Variants in MRC2 observed in about 807,000 individuals in gnomAD.
MRC2 encodes the protein mannose receptor C-type 2, also known as C-type mannose receptor 2.
MRC2 carries 84 observed loss-of-function variants against 206.2 expected under a neutral mutation model. That is an observed-to-expected ratio of 0.41 (90% CI 0.34 to 0.49). The LOEUF (loss-of-function observed/expected upper bound fraction) is 0.49, where lower values mean the gene tolerates loss of function less well. Ranked by LOEUF, MRC2 falls within the 20% of genes least tolerant of loss-of-function variation. MRC2 has a pLI of 0.31. For synonymous variants in MRC2, 798 were observed against 800.0 expected (o/e 1.00, Z 0.04); for missense variants, 1,676 against 2,001.5 (o/e 0.84, Z 3.10).
chr17:62,675,806 G>A lies in MRC2; in HGVS notation c.1586G>A (p.Ser529Asn), dbSNP rs766921750. Reference protein sequence around the residue: ...HGCRKGWTWHSPSCYWLGEDQ... With the variant: ...HGCRKGWTWHNPSCYWLGEDQ... ...TTGAGCCAGGGTTGGACGTGGCACA[G>A]CCCATCCTGCTACTGGCTGGGAGAA... The change falls in exon 10 of 30, where the codon AGC becomes AAC. Residue 529 changes from serine to asparagine, a missense_variant. Ser to Asn is a conservative substitution (Grantham distance 46). Around this residue, in one of 3 missense-constraint regions of MRC2, gnomAD observed 1,354 missense variants for 1,636.6 expected, o/e 0.83. Coordinates refer to ENST00000303375, the MANE Select transcript of MRC2 (RefSeq NM_006039.5). This position sits in a 1 kb window ranked among gnomAD's most constrained non-coding sequence, Gnocchi z 4.1. 1.9e-6 allele frequency: 3 copies of A among 1,614,086 alleles called. No homozygotes were observed. Among genetic ancestry groups the A allele is most frequent in the Non-Finnish European group, 2.5e-6 (3 of 1,179,936 alleles).
In MRC2 at chr17:62,667,371, C is replaced by T. The variant is rs112098746; in HGVS notation, c.974-19C>T. ...GAGCTTCTCTCTCCGGGGGTGCTGG[C>T]GCCCTGCCCTCCCCACAGACCAGCC... On this transcript the variant is annotated intron_variant, in intron 5 of 29. Coordinates refer to ENST00000303375, the MANE Select transcript of MRC2 (RefSeq NM_006039.5). This position sits in a 1 kb window ranked among gnomAD's most constrained non-coding sequence, Gnocchi z 4.1. 2,755 of 1,574,762 alleles carry T rather than the reference C, an allele frequency of 1.7e-3. 45 individuals are homozygous for T. In the African/African-American group the frequency reaches 0.033, roughly 19 times the overall value.
chr17:62,666,629 GGCCTGATGCCT>G lies in MRC2; in HGVS notation c.859+13_859+23del. The stretch of plus-strand genomic sequence containing the variant: ...CAGACCTACATCAACGGTGAGCCGG[GGCCTGATGCCT>G]GCTCGTGCCTCTGGAGGGCCCGGGC... On this transcript the variant is annotated intron_variant, in intron 4 of 29. Coordinates refer to ENST00000303375, the MANE Select transcript of MRC2 (RefSeq NM_006039.5). This position sits in a 1 kb window ranked among gnomAD's most constrained non-coding sequence, Gnocchi z 5.0. 6.4e-7 allele frequency: 1 copy of G among 1,563,140 alleles called. No homozygotes were observed. Among genetic ancestry groups the G allele is most frequent in the Non-Finnish European group, 8.7e-7 (1 of 1,153,802 alleles).
intron 20 of MRC2, chr17:62,683,801 G>T (rs1272940265): frequency 6.6e-6 from 1 of 151,506 alleles, no homozygotes; most frequent in Non-Finnish European, 1.5e-5. Context: ...GGAGGTAGAG[G>T]CTTCAATGAG....
chr17:62,689,784 T>C (rs1360488566), intron 24 of MRC2, 24 bp downstream of exon 24: 1 of 1,533,226 alleles, frequency 6.5e-7, no homozygotes, highest in East Asian at 2.4e-5. Flanking sequence ...ACTTTTGCCC[T>C]GGGCCCCAGC....
intron 20 of MRC2, among the ~76,000 whole-genome samples, chr17:62,686,023 T>G (rs1194539422): frequency 1.3e-5 from 2 of 152,332 alleles, no homozygotes; most frequent in African/African-American, 2.4e-5. Context: ...GAAGACAATT[T>G]TTCCATGTAC....
At chr17:62,632,079 C>T (rs1237475020) in intron 1 of MRC2, among the ~76,000 whole-genome samples, 1 of 152,022 alleles carries the variant, frequency 6.6e-6, no homozygotes, top group Non-Finnish European at 1.5e-5. Flanking sequence ...TGGGGTGGGC[C>T]AGTGGGGTGG....
At chr17:62,683,345 G>A (rs946695541) in intron 20 of MRC2, among the ~76,000 whole-genome samples, 9 of 151,832 alleles carry the variant, frequency 5.9e-5, no homozygotes, top group African/African-American at 2.2e-4. Flanking sequence ...GCACATGCCT[G>A]TAATCCCAGC....
Position 62,680,280 on chromosome 17 carries a change from G to C in MRC2, c.2409G>C (p.Gln803His). Residue 803 changes from glutamine to histidine, a missense_variant, in exon 15 of 30, where the codon CAG becomes CAC. Around this residue, in one of 3 missense-constraint regions of MRC2, gnomAD observed 1,354 missense variants for 1,636.6 expected, o/e 0.83. Coordinates refer to ENST00000303375, the MANE Select transcript of MRC2 (RefSeq NM_006039.5). The surrounding 1 kb of genome is among the most constrained non-coding windows in gnomAD (Gnocchi z 4.8). ...GGGTGGCCATGCAGTGCGACACACA[G>C]CTGGACTGGATCTGCAAGATCCCCA... ...LQWVAMQCDT[Q>H]LDWICKIPRG... 6.2e-7 allele frequency: 1 copy of C among 1,614,084 alleles called. No homozygotes were observed. The highest frequency in any genetic ancestry group is 2.2e-5 in the East Asian group (1 of 44,872).
At chr17:62,636,023 G>C (rs566449060) in intron 1 of MRC2, among the ~76,000 whole-genome samples, 7 of 151,874 alleles carry the variant, frequency 4.6e-5, no homozygotes, top group African/African-American at 7.3e-5. Context: ...TCCTGACCTC[G>C]TGATCCACCT....
chr17:62,643,337 AAAAAAAAAAAGAAAAAG>A (rs1300941755), intron 1 of MRC2, among the ~76,000 whole-genome samples: 2 of 133,910 alleles, frequency 1.5e-5, no homozygotes, highest in Non-Finnish European at 1.6e-5. Context: ...CAAAAAAAAA[AAAAAAAAAAAGAAAAAG>A]AAAAGAAAAA....
intron 1 of MRC2, among the ~76,000 whole-genome samples, chr17:62,640,785 C>A (rs530802616): frequency 6.6e-6 from 1 of 151,608 alleles, no homozygotes; most frequent in South Asian, 2.1e-4. Context: ...CCCAGGTTCA[C>A]GCCATTCTCC....
Position 62,645,515 on chromosome 17 carries a change from ATATATATATATATTTTTTTT to A in MRC2, c.118+17597_118+17616del, listed in dbSNP as rs1156358912. ...GTATATATTATATATATATATATAT[ATATATATATATATTTTTTTT>A]TTTTTTTTTTTTTTTTGAGATGGAG... On this transcript the variant is annotated intron_variant, in intron 1 of 29. Transcript: ENST00000303375. 2.8e-3 allele frequency among the ~76,000 whole-genome samples: 188 copies of A among 67,690 alleles called. 3 individuals are homozygous for A. Among genetic ancestry groups the A allele is most frequent in the South Asian group, 9.2e-3 (18 of 1,960 alleles). The allele number at this position is 67,690 out of a possible 152,430, so 44.4% of individuals were successfully genotyped here.
At chr17:62,660,239 G>A (rs2088664778) in intron 1 of MRC2, among the ~76,000 whole-genome samples, 1 of 152,180 alleles carries the variant, frequency 6.6e-6, no homozygotes, top group African/African-American at 2.4e-5. Flanking sequence ...ACACTACCTG[G>A]TTTGAGGAGC....
intron 1 of MRC2, among the ~76,000 whole-genome samples, chr17:62,633,221 GGGT>G (rs1857279426): frequency 6.6e-6 from 1 of 152,158 alleles, no homozygotes; most frequent in African/African-American, 2.4e-5. Context: ...AGAAGAGAAA[GGGT>G]GGGTGAGGTG....
In MRC2 at chr17:62,651,593, GGAGAC is replaced by G. The variant is rs1275282369; in HGVS notation, c.119-12951_119-12947del. The stretch of plus-strand genomic sequence containing the variant: ...AGTTAATTTTTTTCTCCTTCTTTAC[GGAGAC>G]GAGTTTCACTCTGTCCCCCAGGCTA... On this transcript the variant is annotated intron_variant, in intron 1 of 29. Coordinates refer to ENST00000303375, the MANE Select transcript of MRC2 (RefSeq NM_006039.5). Among the ~76,000 whole-genome samples the G allele has an allele frequency of 7.9e-5, 12 of 151,610 alleles. 1 individual carries two copies. In the South Asian group the frequency reaches 2.3e-3, roughly 29 times the overall value.
rs747970242 is a variant in MRC2, at chr17:62,681,825, A to C, written c.2703-12A>C. 2.5e-6 allele frequency: 4 copies of C among 1,608,012 alleles called. No homozygotes were observed. The highest frequency in any genetic ancestry group is 3.4e-6 in the Non-Finnish European group (4 of 1,175,958). ...CCGGTGCTGGAGTTACCTCTGCTCC[A>C]TGCCATTGCAGATGGACAGATGGTT... is the stretch of plus-strand genomic sequence containing the variant. On this transcript the variant is annotated splice_polypyrimidine_tract_variant and intron_variant, in intron 18 of 29. Coordinates refer to ENST00000303375, the MANE Select transcript of MRC2 (RefSeq NM_006039.5).
rs776480982 is a variant in MRC2, at chr17:62,689,502, C to T, written c.3335-20C>T. 6 of 1,497,386 alleles carry T rather than the reference C, an allele frequency of 4.0e-6. No homozygotes were observed. In the South Asian group the frequency reaches 6.4e-5, roughly 16 times the overall value. The allele number at this position is 1,497,386 out of a possible 1,614,324, so 92.8% of individuals were successfully genotyped here. A position where few individuals can be genotyped will look rare whatever the true frequency, so the allele number is the denominator to read the frequency against. On this transcript the variant is annotated intron_variant, in intron 23 of 29. Coordinates refer to ENST00000303375, the MANE Select transcript of MRC2 (RefSeq NM_006039.5). ...TGAGGGAAGCAGAGCCCAGCCTGAA[C>T]CCTGACCCCTTCCCTGTAGACCCCT...
At chr17:62,678,051 AAAAT>A (rs946207021) in intron 12 of MRC2, among the ~76,000 whole-genome samples, 14 of 152,198 alleles carry the variant, frequency 9.2e-5, no homozygotes, top group Non-Finnish European at 1.8e-4. Flanking sequence ...CTCCGTCTCA[AAAAT>A]AAATAAATAA....
chr17:62,635,881 C>T (rs895323643), intron 1 of MRC2, among the ~76,000 whole-genome samples: 10 of 151,938 alleles, frequency 6.6e-5, no homozygotes, highest in Middle Eastern at 3.4e-3. Context: ...TCTGCCTCCC[C>T]GGTTCACGCA....
Sources: gnomAD v4.1 joint callset for allele counts (sites outside exome capture counted in the v4.1 genomes callset) on GRCh38, gnomAD v4.1.1 for gene constraint, gnomAD v4.1.1 regional missense constraint, Gnocchi (gnomAD v3.1) non-coding constraint, MANE v1.5 for transcripts, NCBI Gene and HGNC (gene_info 2026-07-23, HGNC 2026-07-21) for gene names.